The following CPLANE1 variants were observed in gnomAD, a reference collection of about 807,000 sequenced individuals.
CPLANE1 encodes ciliogenesis and planar polarity effector complex subunit 1.
In CPLANE1, 263 loss-of-function variants were observed where a neutral mutation model predicts 362.5. The observed-to-expected ratio is 0.73, with a 90% CI of 0.66 to 0.80. CPLANE1 has a LOEUF of 0.80. Among genes scored for constraint, CPLANE1 ranks in the 30% least tolerant of loss-of-function variants. The pLI, the probability that CPLANE1 is intolerant of heterozygous loss-of-function variation, is 0.00. For missense variants in CPLANE1, 3,461 were observed against 3,793.4 expected (o/e 0.91, Z 2.30); for synonymous variants, 1,212 against 1,302.6 (o/e 0.93, Z 1.50).
chr5:37,155,038 C>G (rs1483186326), intron 41 of CPLANE1, among the ~76,000 whole-genome samples: 1 of 152,206 alleles, frequency 6.6e-6, no homozygotes, highest in Non-Finnish European at 1.5e-5. Context: ...ACCTGCTAAA[C>G]ACCTACATTC....
chr5:37,095,877 G>A, the CPLANE1 span, among the ~76,000 whole-genome samples: 2 of 152,074 alleles, frequency 1.3e-5, no homozygotes, highest in Non-Finnish European at 2.9e-5. Flanking sequence ...CCCAGGAGGT[G>A]AAAGACCTCT....
the CPLANE1 span, chr5:37,085,678 C>T: frequency 3.0e-5 from 34 of 1,121,648 alleles, no homozygotes; most frequent in South Asian, 8.6e-5. Context: ...GATCTTTTGA[C>T]GTGGTTCACA....
At chr5:37,085,836 A>G in the CPLANE1 span, 1 of 1,318,226 alleles carries the variant, frequency 7.6e-7, no homozygotes, top group Non-Finnish European at 1.1e-6. Context: ...CTGGGGGCCA[A>G]ACAGAGCAGT....
rs1191734158 is a variant in CPLANE1, at chr5:37,212,508, AAG to A, written c.2920+1049_2920+1050del. 1.0e-5 allele frequency: 6 copies of A among 583,382 alleles called. No individual in the cohort carries two copies. In the East Asian group the frequency reaches 1.3e-4, roughly 13 times the overall value. The allele number at this position is 583,382 out of a possible 1,614,324, so 36.1% of individuals were successfully genotyped here. The stretch of plus-strand genomic sequence containing the variant: ...AAATGTGTAATCCAAAAAAAAAAAA[AAG>A]AAAGAAACTACAAATGTTTTCGTAT... On this transcript the variant is annotated intron_variant, in intron 16 of 52. Transcript: ENST00000651892.
Position 37,173,863 on chromosome 5 carries a change from A to C in CPLANE1, c.6063T>G (p.Pro2021=). The C allele has an allele frequency of 1.2e-6, 2 of 1,614,164 alleles. No individual in the cohort carries two copies. The highest frequency in any genetic ancestry group is 2.2e-5 in the South Asian group (2 of 91,078). ...SNGVNVASQP[P]APTPQKTQRN... is the part of the protein sequence containing the mutation. Reference sequence around the variant, plus strand: ...TCTGGGTCTTCTGAGGTGTTGGAGCAGGTGGTTGTGAAGCAACATTGACTC... The same window carrying C: ...TCTGGGTCTTCTGAGGTGTTGGAGCCGGTGGTTGTGAAGCAACATTGACTC... Residue 2021 remains proline (P), a synonymous_variant, in exon 32 of 53, where the codon CCT becomes CCG. Transcript: ENST00000651892.
intron 8 of CPLANE1, among the ~76,000 whole-genome samples, chr5:37,231,732 C>G (rs542144252): frequency 6.6e-6 from 1 of 152,190 alleles, no homozygotes; most frequent in Non-Finnish European, 1.5e-5. Context: ...TCCCAAAGCT[C>G]TAACTGGTAC....
chr5:37,230,510 T>C (rs1460232759), intron 9 of CPLANE1, among the ~76,000 whole-genome samples: 1 of 152,144 alleles, frequency 6.6e-6, no homozygotes, highest in African/African-American at 2.4e-5. Flanking sequence ...GGGAAAAAAG[T>C]AGATAAATCC....
At chr5:37,241,547 C>T (rs1176588448) in intron 6 of CPLANE1, among the ~76,000 whole-genome samples, 1 of 152,082 alleles carries the variant, frequency 6.6e-6, no homozygotes, top group Admixed American at 6.6e-5. Flanking sequence ...ATAATTGATC[C>T]AAGTGATATA....
chr5:37,188,449 C>T lies in CPLANE1; in HGVS notation c.3812-607G>A, dbSNP rs185489784. Reference sequence around the variant, plus strand: ...TGTAGGCTCTGTAGACAGAGCAAGACCTTGTCTCCTAGCTACTTGGACACC... The same window carrying T: ...TGTAGGCTCTGTAGACAGAGCAAGATCTTGTCTCCTAGCTACTTGGACACC... On this transcript the variant is annotated intron_variant, in intron 21 of 52. Coordinates refer to ENST00000651892, the MANE Select transcript of CPLANE1 (RefSeq NM_001384732.1). 1.0e-3 allele frequency among the ~76,000 whole-genome samples: 155 copies of T among 152,246 alleles called. 1 individual carries two copies. Among genetic ancestry groups the T allele is most frequent in the African/African-American group, 3.5e-3 (145 of 41,556 alleles).
Position 37,169,155 on chromosome 5 carries a change from T to C in CPLANE1, c.6869A>G (p.Asn2290Ser), listed in dbSNP as rs767939817. Reference sequence around the variant, plus strand: ...AACTTCTTTTTTTCTGGCTTCAGTGTTATACTGGCTTACATTCAAATGGGA... The same window carrying C: ...AACTTCTTTTTTTCTGGCTTCAGTGCTATACTGGCTTACATTCAAATGGGA... ...PASHLNVSQY[N>S]TEARKKEVEQ... Residue 2290 changes from asparagine to serine, a missense_variant, in exon 34 of 53, where the codon AAC (asparagine) becomes AGC (serine). Asn to Ser is a conservative substitution (Grantham distance 46, BLOSUM62 1). Transcript: ENST00000651892. The C allele has an allele frequency of 6.2e-7, 1 of 1,614,110 alleles. No homozygotes were observed. Among genetic ancestry groups the C allele is most frequent in the Admixed American group, 1.7e-5 (1 of 60,006 alleles).
intron 51 of CPLANE1, among the ~76,000 whole-genome samples, chr5:37,113,094 A>G (rs1759819503): frequency 6.6e-6 from 1 of 152,202 alleles, no homozygotes; most frequent in South Asian, 2.1e-4. Flanking sequence ...AATGGGTAAA[A>G]AGGAAAGTCT....
chr5:37,227,880 G>A (rs941883629), intron 9 of CPLANE1, 63 bp from the exon 10 acceptor site: 8 of 1,425,120 alleles, frequency 5.6e-6, no homozygotes, highest in Non-Finnish European at 7.4e-6. Context: ...AAACAATAAT[G>A]TTTTTCAAAA....
chr5:37,125,037 G>A, intron 47 of CPLANE1: 1 of 1,331,668 alleles, frequency 7.5e-7, no homozygotes, highest in Non-Finnish European at 9.5e-7. Flanking sequence ...AAATATTTAA[G>A]ATAATTCAGT....
In CPLANE1 at chr5:37,138,755, T is replaced by A. The variant is rs1768651414; in HGVS notation, c.8757A>T (p.Glu2919Asp). 1 of 1,613,128 alleles carries A rather than the reference T, an allele frequency of 6.2e-7. No homozygotes were observed. The highest frequency in any genetic ancestry group is 8.5e-7 in the Non-Finnish European group (1 of 1,179,568). The change falls in exon 46 of 53, where the codon GAA (glutamate) becomes GAT (aspartate). Residue 2919 changes from glutamate to aspartate, a missense_variant. By Grantham distance (45) the Glu-to-Asp change is conservative (BLOSUM62 2). This residue lies in a region of CPLANE1 where 3,380 missense variants were observed against 3,666.1 expected (regional missense o/e 0.92). Coordinates refer to ENST00000651892, the MANE Select transcript of CPLANE1 (RefSeq NM_001384732.1). ...LIIKDGVSSE[E>D]LGLTEQAMGT... is the part of the protein sequence containing the mutation. ...CCATAGCTTGTTCTGTTAAGCCAAG[T>A]TCTTCACTGGAAACTCCGTCTTTAA...
At chr5:37,208,192 G>A (rs772544451) in intron 16 of CPLANE1, among the ~76,000 whole-genome samples, 1 of 152,062 alleles carries the variant, frequency 6.6e-6, no homozygotes, top group African/African-American at 2.4e-5. Context: ...TCAAGCAATC[G>A]GCCTGGCTTC....
chr5:37,248,553 G>A (rs1294337000), intron 1 of CPLANE1, among the ~76,000 whole-genome samples: 2 of 152,142 alleles, frequency 1.3e-5, no homozygotes, highest in Admixed American at 6.6e-5. Flanking sequence ...GCTGAGATGG[G>A]AAGATCGCTT....
chr5:37,193,728 GT>G (rs1360628566), intron 21 of CPLANE1, among the ~76,000 whole-genome samples: 5 of 151,958 alleles, frequency 3.3e-5, no homozygotes, highest in Non-Finnish European at 5.9e-5. Flanking sequence ...AAGGAACCTT[GT>G]TTTTTTGTTT....
At position 37,139,399 on chromosome 5, in the gene CPLANE1, T is replaced by C. The variant is rs749464494; in HGVS notation, c.8633-29A>G. 7.9e-6 allele frequency: 9 copies of C among 1,137,356 alleles called. No homozygotes were observed. The South Asian group carries it at 1.6e-4, about 20-fold the overall frequency. 70.5% of individuals were successfully genotyped at this position (1,137,356 alleles called of 1,614,324 possible). On this transcript the variant is annotated intron_variant, in intron 44 of 52. Coordinates refer to ENST00000651892, the MANE Select transcript of CPLANE1 (RefSeq NM_001384732.1). ...AAAAAAAAATCATTATTAATAAAAA[T>C]TTTGGGTTTTTTTTTGCTTTCAATT...
At position 37,180,109 on chromosome 5, in the gene CPLANE1, G is replaced by A. The variant is rs1269176064; in HGVS notation, c.5645C>T (p.Thr1882Ile). The A allele has an allele frequency of 6.4e-7, 1 of 1,554,502 alleles. No homozygotes were observed. The change falls in exon 28 of 53, where the codon ACT becomes ATT. Residue 1882 changes from threonine (T) to isoleucine (I), a missense_variant. By Grantham distance (89) the Thr-to-Ile change is moderately conservative. Around this residue, in one of 2 missense-constraint regions of CPLANE1, gnomAD observed 3,380 missense variants for 3,666.1 expected, o/e 0.92. Transcript: ENST00000651892. ...NDDIISITHN[T>I]KKEFIDIDEN... Reference sequence around the variant, plus strand: ...ATCAATATCTATAAATTCTTTTTTAGTATTATGAGTGATGGAAATAATATC... The same window carrying A: ...ATCAATATCTATAAATTCTTTTTTAATATTATGAGTGATGGAAATAATATC...
Sources: gnomAD v4.1 joint callset for allele counts (sites outside exome capture counted in the v4.1 genomes callset) on GRCh38, gnomAD v4.1.1 for gene constraint, gnomAD v4.1.1 regional missense constraint, MANE v1.5 for transcripts, NCBI Gene and HGNC (gene_info 2026-07-23, HGNC 2026-07-21) for gene names.